The following ACVR1C variants were observed in gnomAD, a reference collection of about 807,000 sequenced individuals.
The protein encoded by ACVR1C is activin A receptor type 1C, also known as activin receptor type-1C.
ACVR1C carries 23 observed loss-of-function variants against 57.9 expected under a neutral mutation model. The observed-to-expected ratio is 0.40, with a 90% CI of 0.29 to 0.56. ACVR1C has a LOEUF of 0.56. ACVR1C is among the 20% of genes least tolerant of loss of function. The pLI, the probability that ACVR1C is intolerant of heterozygous loss-of-function variation, is 0.50. For missense variants in ACVR1C, 480 were observed against 607.9 expected, an observed-to-expected ratio of 0.79 and a Z score of 2.21; for synonymous variants, 214 against 215.3, an observed-to-expected ratio of 0.99 and a Z score of 0.05.
intron 2 of ACVR1C, among the ~76,000 whole-genome samples, chr2:157,557,867 T>C (rs1385019386): frequency 3.9e-5 from 6 of 152,186 alleles, no homozygotes; most frequent in Admixed American, 3.9e-4. Context: ...AAGTGATACA[T>C]GAAAAATCTA....
At chr2:157,539,825 T>C (rs2105204739) in intron 7 of ACVR1C, among the ~76,000 whole-genome samples, 1 of 152,336 alleles carries the variant, frequency 6.6e-6, no homozygotes, top group South Asian at 2.1e-4. Flanking sequence ...TATAATTCTA[T>C]TGCTTCTATA....
At chr2:157,536,386 G>T (rs1257607137) in intron 8 of ACVR1C, among the ~76,000 whole-genome samples, 1 of 152,154 alleles carries the variant, frequency 6.6e-6, no homozygotes, top group African/African-American at 2.4e-5. Flanking sequence ...GAATGCTGAA[G>T]ACAGAGAAGT....
intron 2 of ACVR1C, among the ~76,000 whole-genome samples, chr2:157,578,336 C>G (rs1394082769): frequency 6.6e-6 from 1 of 152,130 alleles, no homozygotes; most frequent in African/African-American, 2.4e-5. Flanking sequence ...AGCATTAATG[C>G]TTAAAAATTC....
At chr2:157,577,869 TTTTTTGTTTTTGTTTTTG>T (rs1006085031) in intron 2 of ACVR1C, among the ~76,000 whole-genome samples, 1 of 152,080 alleles carries the variant, frequency 6.6e-6, no homozygotes. Flanking sequence ...TTGTTTTTGT[TTTTTTGTTTTTGTTTTTG>T]TTTTTGTTTT....
chr2:157,579,157 G>T lies in ACVR1C; in HGVS notation c.304+8030C>A, dbSNP rs576439435. 2.5e-4 allele frequency among the ~76,000 whole-genome samples: 38 copies of T among 152,052 alleles called. 1 individual carries two copies. Among genetic ancestry groups the T allele is most frequent in the Non-Finnish European group, 5.3e-4 (36 of 68,006 alleles). ...TTGACTTTCTTGGGATTGGGGAAGG[G>T]CGTTCTTCTCAATTCTGGAAATTTT... On this transcript the variant is annotated intron_variant, in intron 2 of 8. Transcript: ENST00000243349.
intron 3 of ACVR1C, among the ~76,000 whole-genome samples, chr2:157,555,099 C>G (rs1343265588): frequency 7.4e-6 from 1 of 135,708 alleles, no homozygotes; most frequent in Non-Finnish European, 1.5e-5. Context: ...GTACTTTGAA[C>G]GCTTTTTTTT....
rs1376113037 is a variant in ACVR1C, at chr2:157,532,765, T to G, written c.*1153A>C. On this transcript the variant is annotated 3_prime_UTR_variant, in exon 9 of 9. Transcript: ENST00000243349. ...TGATACCGTCTGTAGGGTTTGGTTGTTAACACTTCATTGAAGAGTTTTCTT... is the reference window on the plus strand; with the variant it reads ...TGATACCGTCTGTAGGGTTTGGTTGGTAACACTTCATTGAAGAGTTTTCTT... The G allele has an allele frequency of 6.6e-6, 1 of 152,188 alleles. No individual in the cohort carries two copies. Among genetic ancestry groups the G allele is most frequent in the Admixed American group, 6.5e-5 (1 of 15,270 alleles). The allele number at this position is 152,188 out of a possible 1,614,324, so 9.4% of individuals were successfully genotyped here.
intron 2 of ACVR1C, among the ~76,000 whole-genome samples, chr2:157,582,921 C>T (rs527287599): frequency 1.3e-5 from 2 of 152,192 alleles, no homozygotes; most frequent in East Asian, 3.9e-4. Flanking sequence ...ACTCTGTCAC[C>T]CAGACTGGAG....
At chr2:157,576,924 G>A (rs2105246416) in intron 2 of ACVR1C, among the ~76,000 whole-genome samples, 1 of 39,296 alleles carries the variant, frequency 2.5e-5, no homozygotes, top group Middle Eastern at 0.01. Flanking sequence ...GCACAATCTC[G>A]GCTCACTGCA....
At chr2:157,628,549 C>A (rs771923232) in intron 1 of ACVR1C, 23 bp downstream of exon 1, 9 of 1,604,002 alleles carry the variant, frequency 5.6e-6, no homozygotes, top group Non-Finnish European at 7.7e-6. Context: ...TCGCGGGCGT[C>A]GGGAGAGAAA....
intron 1 of ACVR1C, among the ~76,000 whole-genome samples, chr2:157,605,899 T>C (rs1682381424): frequency 6.6e-6 from 1 of 151,706 alleles, no homozygotes; most frequent in South Asian, 2.1e-4. Flanking sequence ...ACTTATTTCT[T>C]CTAAATAATT....
chr2:157,593,597 C>A (rs542271826), intron 1 of ACVR1C, among the ~76,000 whole-genome samples: 2 of 152,232 alleles, frequency 1.3e-5, no homozygotes, highest in South Asian at 2.1e-4. Context: ...ACAATTCAAG[C>A]TTTTCAGTGT....
At chr2:157,563,197 A>G (rs1688283774) in intron 2 of ACVR1C, among the ~76,000 whole-genome samples, 1 of 152,192 alleles carries the variant, frequency 6.6e-6, no homozygotes, top group South Asian at 2.1e-4. Flanking sequence ...TGCAGATAAC[A>G]TAATTCTATA....
At chr2:157,573,181 T>G (rs1378864475) in intron 2 of ACVR1C, among the ~76,000 whole-genome samples, 5 of 152,216 alleles carry the variant, frequency 3.3e-5, no homozygotes, top group Non-Finnish European at 7.3e-5. Context: ...TTTATCTTCT[T>G]TCAAATGCAA....
intron 2 of ACVR1C, among the ~76,000 whole-genome samples, chr2:157,562,321 A>T (rs914455307): frequency 5.5e-5 from 8 of 144,152 alleles, no homozygotes; most frequent in African/African-American, 2.0e-4. Flanking sequence ...TATATATATA[A>T]AATATATACA....
At chr2:157,608,000 G>T (rs1188672760) in intron 1 of ACVR1C, among the ~76,000 whole-genome samples, 5 of 151,876 alleles carry the variant, frequency 3.3e-5, no homozygotes, top group Non-Finnish European at 7.4e-5. Context: ...GACTTCTGTG[G>T]CTGGGGCTTC....
chr2:157,564,927 A>T (rs886698212), intron 2 of ACVR1C, among the ~76,000 whole-genome samples: 42 of 152,240 alleles, frequency 2.8e-4, no homozygotes, highest in African/African-American at 9.9e-4. Context: ...GGACACTGGG[A>T]GGGGAACACA....
At chr2:157,542,293 T>C (rs957741003) in intron 6 of ACVR1C, among the ~76,000 whole-genome samples, 3 of 152,224 alleles carry the variant, frequency 2.0e-5, no homozygotes, top group Non-Finnish European at 4.4e-5. Flanking sequence ...ATATTGATTC[T>C]GTGTCTGTTG....
chr2:157,615,595 C>G (rs1029172612), intron 1 of ACVR1C, among the ~76,000 whole-genome samples: 1 of 152,004 alleles, frequency 6.6e-6, no homozygotes, highest in African/African-American at 2.4e-5. Context: ...AGGCTGGTCT[C>G]AAACTCCTAG....
Sources: gnomAD v4.1 joint callset for allele counts (sites outside exome capture counted in the v4.1 genomes callset) on GRCh38, gnomAD v4.1.1 for gene constraint, MANE v1.5 for transcripts, NCBI Gene and HGNC (gene_info 2026-07-23, HGNC 2026-07-21) for gene names.